KDM4C: variants seen among roughly 807,000 people sequenced by gnomAD.
The protein encoded by KDM4C is lysine-specific demethylase 4C.
A neutral mutation model predicts 129.3 loss-of-function variants in KDM4C; 81 were observed. The ratio of observed to expected loss-of-function variants is 0.63; its 90% confidence interval spans 0.52 to 0.75. The LOEUF (loss-of-function observed/expected upper bound fraction) is 0.75. Ranked by LOEUF, KDM4C falls within the 30% of genes least tolerant of loss-of-function variation. The pLI, the probability that KDM4C is intolerant of heterozygous loss-of-function variation, is 0.00. For synonymous variants in KDM4C, 573 were observed against 456.1 expected (o/e 1.26, Z -3.26); for missense variants, 1,457 against 1,304.0 (o/e 1.12, Z -1.81).
chr9:6,841,807 C>T (rs1836974708), intron 4 of KDM4C, among the ~76,000 whole-genome samples: 1 of 152,194 alleles, frequency 6.6e-6, no homozygotes, highest in African/African-American at 2.4e-5. Flanking sequence ...TCACCTGTGC[C>T]TGGCAAATGG....
chr9:7,135,802 A>G (rs1841143608), intron 19 of KDM4C, among the ~76,000 whole-genome samples: 1 of 152,178 alleles, frequency 6.6e-6, no homozygotes, highest in African/African-American at 2.4e-5. Flanking sequence ...CGGTGTCTAC[A>G]CTTTGAGGTG....
chr9:6,870,636 T>C (rs1842699736), intron 5 of KDM4C, among the ~76,000 whole-genome samples: 1 of 152,006 alleles, frequency 6.6e-6, no homozygotes, highest in Non-Finnish European at 1.5e-5. Context: ...TTAGTGAAGG[T>C]AGAGGGCAAG....
chr9:6,762,114 T>G (rs746202965), intron 1 of KDM4C, among the ~76,000 whole-genome samples: 10 of 151,900 alleles, frequency 6.6e-5, no homozygotes, highest in Non-Finnish European at 1.3e-4. Flanking sequence ...CTGTTTTTAT[T>G]ATACTTTAAG....
chr9:6,784,097 G>A (rs567600081), intron 1 of KDM4C, among the ~76,000 whole-genome samples: 1 of 152,002 alleles, frequency 6.6e-6, no homozygotes, highest in Non-Finnish European at 1.5e-5. Flanking sequence ...GCATGCAGAT[G>A]TTACTATAGC....
chr9:6,723,372 T>C (rs536350053), intron 1 of KDM4C, among the ~76,000 whole-genome samples: 1 of 150,128 alleles, frequency 6.7e-6, no homozygotes, highest in South Asian at 2.1e-4. Context: ...CAAAACTCTG[T>C]CTCAAAAGAA....
chr9:6,925,675 A>G (rs907293346), intron 8 of KDM4C: 2 of 980,580 alleles, frequency 2.0e-6, no homozygotes, highest in Non-Finnish European at 2.4e-6. Context: ...GAGAACTGTA[A>G]GGGAATTTTC....
intron 19 of KDM4C, among the ~76,000 whole-genome samples, chr9:7,142,277 C>T (rs1043897299): frequency 6.6e-6 from 1 of 152,138 alleles, no homozygotes; most frequent in African/African-American, 2.4e-5. Flanking sequence ...AACTTTTAAT[C>T]CCCCTGTTTC....
intron 17 of KDM4C, among the ~76,000 whole-genome samples, chr9:7,054,490 A>T (rs1830610501): frequency 6.6e-6 from 1 of 152,244 alleles, no homozygotes; most frequent in South Asian, 2.1e-4. Context: ...AAAAATGATC[A>T]GGAAGAAGGA....
intron 4 of KDM4C, among the ~76,000 whole-genome samples, chr9:6,840,944 T>A (rs931165757): frequency 2.0e-5 from 3 of 152,178 alleles, no homozygotes; most frequent in Non-Finnish European, 4.4e-5. Flanking sequence ...ATGTCAGCCC[T>A]TGGAAAGACC....
At chr9:7,085,416 T>C (rs988086721) in intron 17 of KDM4C, among the ~76,000 whole-genome samples, 3 of 152,200 alleles carry the variant, frequency 2.0e-5, no homozygotes, top group Non-Finnish European at 4.4e-5. Flanking sequence ...AAAATCTAAT[T>C]GTTTAGAGAG....
At position 7,154,264 on chromosome 9, in the gene KDM4C, G is replaced by A. The variant is rs1409575186; in HGVS notation, c.2782-10974G>A. On this transcript the variant is annotated intron_variant, in intron 19 of 21. Coordinates refer to ENST00000381309, the MANE Select transcript of KDM4C (RefSeq NM_015061.6). Reference sequence around the variant, plus strand: ...TGCCAGGGTCCAGTAATGAGCAGGTGATTATCTCTGGAAACGATAGCAGCT... The same window carrying A: ...TGCCAGGGTCCAGTAATGAGCAGGTAATTATCTCTGGAAACGATAGCAGCT... 2.6e-5 allele frequency among the ~76,000 whole-genome samples: 4 copies of A among 152,218 alleles called. No homozygotes were observed. In the East Asian group the frequency reaches 7.7e-4, roughly 29 times the overall value.
In KDM4C at chr9:7,066,299, C is replaced by G. The variant is rs1194303153; in HGVS notation, c.2424+17099C>G. ...CATTCCAGAAGGATGTATGGTATCC[C>G]CCTCTCCACCCCGCAAAGGATTTAG... On this transcript the variant is annotated intron_variant, in intron 17 of 21. Transcript: ENST00000381309. Among the ~76,000 whole-genome samples the G allele has an allele frequency of 2.6e-5, 4 of 152,080 alleles. No homozygotes were observed. In the South Asian group the frequency reaches 6.2e-4, roughly 24 times the overall value.
intron 19 of KDM4C, among the ~76,000 whole-genome samples, chr9:7,160,721 C>A (rs1009572796): frequency 2.0e-5 from 3 of 152,128 alleles, no homozygotes; most frequent in Non-Finnish European, 2.9e-5. Context: ...AGAAGGGGAG[C>A]CACCTATATG....
At chr9:6,967,806 T>C (rs1223768173) in intron 8 of KDM4C, among the ~76,000 whole-genome samples, 1 of 152,244 alleles carries the variant, frequency 6.6e-6, no homozygotes, top group Non-Finnish European at 1.5e-5. Context: ...TCCTGGATTC[T>C]CATTATATTG....
At chr9:7,021,243 C>A (rs1001128167) in intron 15 of KDM4C, among the ~76,000 whole-genome samples, 1 of 151,864 alleles carries the variant, frequency 6.6e-6, no homozygotes, top group African/African-American at 2.4e-5. Flanking sequence ...CCTCTGCCTC[C>A]CAGGTTCCAG....
chr9:6,970,350 C>CTTATCACTGTAATTA, intron 8 of KDM4C, among the ~76,000 whole-genome samples: 1 of 152,172 alleles, frequency 6.6e-6, no homozygotes, highest in Non-Finnish European at 1.5e-5. Flanking sequence ...TACTTATGAA[C>CTTATCACTGTAATTA]CTTGGTCACT....
At chr9:6,801,831 G>A (rs1829042812) in intron 2 of KDM4C, among the ~76,000 whole-genome samples, 1 of 152,076 alleles carries the variant, frequency 6.6e-6, no homozygotes, top group African/African-American at 2.4e-5. Flanking sequence ...TGAGCTGGGC[G>A]CGGTGGCTCA....
At chr9:6,921,671 G>T (rs1821539886) in intron 8 of KDM4C, among the ~76,000 whole-genome samples, 1 of 152,158 alleles carries the variant, frequency 6.6e-6, no homozygotes, top group South Asian at 2.1e-4. Context: ...CCATTTGTCA[G>T]ATTGTGTATA....
chr9:7,062,673 C>T (rs190659190), intron 17 of KDM4C, among the ~76,000 whole-genome samples: 16 of 152,194 alleles, frequency 1.1e-4, no homozygotes, highest in African/African-American at 2.2e-4. Context: ...CATGCGCCAC[C>T]GTGCCCAGCC....
Sources: gnomAD v4.1 joint callset for allele counts (sites outside exome capture counted in the v4.1 genomes callset) on GRCh38, gnomAD v4.1.1 for gene constraint, MANE v1.5 for transcripts, NCBI Gene and HGNC (gene_info 2026-07-23, HGNC 2026-07-21) for gene names.